Variants in ITGA9 observed in about 807,000 individuals in gnomAD.
ITGA9 encodes the protein integrin subunit alpha 9.
In ITGA9, 56 loss-of-function variants were observed where a neutral mutation model predicts 127.8. That is an observed-to-expected ratio of 0.44 (90% CI 0.35 to 0.55). The LOEUF (loss-of-function observed/expected upper bound fraction) is 0.55, where lower values mean the gene tolerates loss of function less well. ITGA9 is among the 20% of genes least tolerant of loss of function. The pLI is 0.00. For synonymous variants in ITGA9, 508 were observed against 514.5 expected, an observed-to-expected ratio of 0.99 and a Z score of 0.17; for missense variants, 1,196 against 1,347.1, an observed-to-expected ratio of 0.89 and a Z score of 1.76.
At chr3:37,622,291 G>T (rs964625406) in intron 15 of ITGA9, among the ~76,000 whole-genome samples, 3 of 151,782 alleles carry the variant, frequency 2.0e-5, no homozygotes, top group African/African-American at 4.8e-5. Context: ...GGGTTTCACC[G>T]TGTTAGCCAG....
intron 17 of ITGA9, among the ~76,000 whole-genome samples, chr3:37,669,559 C>A (rs552359269): frequency 5.3e-5 from 8 of 152,262 alleles, no homozygotes; most frequent in Non-Finnish European, 8.8e-5. Flanking sequence ...GATCTCCTGT[C>A]CGGGCAGGCT....
chr3:37,596,250 C>G (rs948314584), intron 15 of ITGA9, among the ~76,000 whole-genome samples: 12 of 152,182 alleles, frequency 7.9e-5, no homozygotes, highest in African/African-American at 2.9e-4. Context: ...TGCTTGACCA[C>G]TTATTAGGAC....
At chr3:37,684,090 T>TCC in intron 18 of ITGA9, 75 bp downstream of exon 18, 4 of 1,187,608 alleles carry the variant, frequency 3.4e-6, no homozygotes, top group Non-Finnish European at 5.0e-6. Flanking sequence ...TTGCCTGGAA[T>TCC]AGGCAATGAT....
chr3:37,620,210 C>T (rs972345270), intron 15 of ITGA9, among the ~76,000 whole-genome samples: 13 of 152,330 alleles, frequency 8.5e-5, no homozygotes, highest in Admixed American at 4.6e-4. Context: ...TGTCACAGGG[C>T]GTCACTTGCA....
chr3:37,759,819 C>T lies in ITGA9; in HGVS notation c.2541+9250C>T, dbSNP rs553882016. On this transcript the variant is annotated intron_variant, in intron 23 of 27. Coordinates refer to ENST00000264741, the MANE Select transcript of ITGA9 (RefSeq NM_002207.3). ...ACTCGGGAGGCTGAGGCAGGAGAAT[C>T]GCTTGAACCCGGGAAGCAGAGATTG... Among the ~76,000 whole-genome samples, 18 of 151,336 alleles carry T rather than the reference C, an allele frequency of 1.2e-4. No individual in the cohort carries two copies. The East Asian group carries it at 3.3e-3, about 28-fold the overall frequency.
intron 3 of ITGA9, 91 bp from the exon 4 acceptor site, chr3:37,481,393 C>T (rs1429021700): frequency 6.5e-7 from 1 of 1,545,270 alleles, no homozygotes. Flanking sequence ...TCTCTTCTCC[C>T]ACAGAAAGAA....
intron 15 of ITGA9, among the ~76,000 whole-genome samples, chr3:37,589,666 G>T (rs985415388): frequency 6.6e-6 from 1 of 152,180 alleles, no homozygotes. Flanking sequence ...TCTGGGAGAA[G>T]AGCATTCCAG....
chr3:37,455,511 G>T (rs1006847212), intron 1 of ITGA9, among the ~76,000 whole-genome samples: 5 of 152,114 alleles, frequency 3.3e-5, no homozygotes, highest in African/African-American at 1.2e-4. Flanking sequence ...AAAGAGTATA[G>T]AACCTACATG....
intron 23 of ITGA9, among the ~76,000 whole-genome samples, chr3:37,752,773 CAA>C (rs1166184486): frequency 6.6e-6 from 1 of 152,198 alleles, no homozygotes; most frequent in Non-Finnish European, 1.5e-5. Flanking sequence ...TAGCTTTCAC[CAA>C]AGAGTCTTTT....
At chr3:37,537,542 G>A (rs1262425226) in intron 14 of ITGA9, among the ~76,000 whole-genome samples, 2 of 152,184 alleles carry the variant, frequency 1.3e-5, no homozygotes, top group South Asian at 2.1e-4. Context: ...ATCCCTGTTG[G>A]GTCATTCAAT....
At chr3:37,584,019 G>A (rs1306530694) in intron 15 of ITGA9, among the ~76,000 whole-genome samples, 1 of 152,200 alleles carries the variant, frequency 6.6e-6, no homozygotes, top group Non-Finnish European at 1.5e-5. Context: ...GTTACAGAAT[G>A]AGATGGCTTA....
chr3:37,577,248 C>T lies in ITGA9; in HGVS notation c.1689+34663C>T, dbSNP rs1699662986. On this transcript the variant is annotated intron_variant, in intron 15 of 27. Transcript: ENST00000264741. Reference sequence around the variant, plus strand: ...GGCCAAGCCCTTCAGCCTTTCTGCCCCACTTCCAGTTTCTTTCTTGGGTGG... The same window carrying T: ...GGCCAAGCCCTTCAGCCTTTCTGCCTCACTTCCAGTTTCTTTCTTGGGTGG... 2.6e-5 allele frequency among the ~76,000 whole-genome samples: 4 copies of T among 152,238 alleles called. No individual in the cohort carries two copies. In the South Asian group the frequency reaches 8.3e-4, roughly 32 times the overall value.
At chr3:37,768,441 G>A (rs948071712) in intron 23 of ITGA9, among the ~76,000 whole-genome samples, 1 of 152,156 alleles carries the variant, frequency 6.6e-6, no homozygotes, top group African/African-American at 2.4e-5. Context: ...GCCGGAATAG[G>A]GGCTTACTGT....
rs188181830 is a variant in ITGA9 at position 37,814,482 on chromosome 3, T to C, written c.3010-4409T>C. 3.7e-3 allele frequency among the ~76,000 whole-genome samples: 566 copies of C among 152,284 alleles called. 5 individuals carry two copies. The highest frequency in any genetic ancestry group is 7.5e-3 in the Admixed American group (115 of 15,302). On this transcript the variant is annotated intron_variant, in intron 27 of 27. Transcript: ENST00000264741. The surrounding 1 kb of genome is among the most constrained non-coding windows in gnomAD (Gnocchi z 4.3). Reference sequence around the variant, plus strand: ...TGGGAGGCTGAGGCAGGAGAATCGCTTGAACCCGAGAGGTGGAGGTTGCAG... The same window carrying C: ...TGGGAGGCTGAGGCAGGAGAATCGCCTGAACCCGAGAGGTGGAGGTTGCAG...
chr3:37,732,805 G>A lies in ITGA9; in HGVS notation c.2154+7G>A. On this transcript the variant is annotated splice_region_variant and intron_variant, in intron 19 of 27. Coordinates refer to ENST00000264741, the MANE Select transcript of ITGA9 (RefSeq NM_002207.3). ...CATGAGGTCAAAGTCAAAGGTAAGG[G>A]ACACAGACGGGACCCTTCCTCAGCA... is the stretch of plus-strand genomic sequence containing the variant. 2 of 1,600,848 alleles carry A rather than the reference G, an allele frequency of 1.2e-6. No homozygotes were observed. Among genetic ancestry groups the A allele is most frequent in the South Asian group, 2.3e-5 (2 of 88,656 alleles).
At chr3:37,813,798 A>G (rs781197569) in intron 27 of ITGA9, among the ~76,000 whole-genome samples, 5 of 152,340 alleles carry the variant, frequency 3.3e-5, no homozygotes, top group African/African-American at 7.2e-5. Flanking sequence ...GACACTTATT[A>G]TAAGACATCT....
chr3:37,748,207 A>G (rs914832360), intron 22 of ITGA9: 1 of 458,974 alleles, frequency 2.2e-6, no homozygotes. Context: ...GTGTATGCAA[A>G]TCTATAAGAA....
intron 16 of ITGA9, among the ~76,000 whole-genome samples, chr3:37,647,162 G>A (rs1384813792): frequency 6.6e-6 from 1 of 152,010 alleles, no homozygotes; most frequent in South Asian, 2.1e-4. Flanking sequence ...GCCTATGGAA[G>A]GTCTTACCTA....
chr3:37,510,538 G>T (rs533924515), intron 8 of ITGA9, among the ~76,000 whole-genome samples: 13 of 152,192 alleles, frequency 8.5e-5, no homozygotes, highest in African/African-American at 3.1e-4. Flanking sequence ...TCAGGTTTTT[G>T]GGGGTAGATC....
Sources: allele counts gnomAD v4.1 joint callset (sites outside exome capture counted in the v4.1 genomes callset), GRCh38; gene constraint gnomAD v4.1.1; non-coding constraint Gnocchi (gnomAD v3.1); transcripts MANE v1.5; gene names NCBI Gene and HGNC (gene_info 2026-07-23, HGNC 2026-07-21).